TICAM2: variants seen among roughly 807,000 people sequenced by gnomAD.
TICAM2 encodes the protein TIR domain-containing adapter molecule 2.
TICAM2 carries 8 observed loss-of-function variants against 7.3 expected under a neutral mutation model. The observed-to-expected ratio is 1.10, with a 90% CI of 0.65 to 1.99. The LOEUF is 1.99. Among genes scored for constraint, TICAM2 ranks in the 30% most tolerant of loss-of-function variants. The pLI is 0.00. For synonymous variants in TICAM2, 113 were observed against 99.6 expected (o/e 1.13, Z -0.80); for missense variants, 304 against 278.8 (o/e 1.09, Z -0.65).
intron 1 of TICAM2, among the ~76,000 whole-genome samples, chr5:115,601,531 C>T (rs256967): frequency 0.63 from 95,258 of 152,018 alleles, 31,068 homozygotes; most frequent in African/African-American, 0.82. Flanking sequence ...ATAGCCTTTC[C>T]CACCCTTGCT....
At chr5:115,581,611 G>A (rs1442163250) in intron 1 of TICAM2, 5 of 318,070 alleles carry the variant, frequency 1.6e-5, no homozygotes, top group Non-Finnish European at 2.9e-5. Flanking sequence ...AATAAATTAC[G>A]TTGGTATTTT....
rs1444820825 is a variant in TICAM2 at position 115,580,900 on chromosome 5, T to A, written c.357A>T (p.Arg119Ser). 1 of 1,613,846 alleles carries A rather than the reference T, an allele frequency of 6.2e-7. No individual in the cohort carries two copies. Among genetic ancestry groups the A allele is most frequent in the East Asian group, 2.2e-5 (1 of 44,890 alleles). Residue 119 changes from arginine (R) to serine (S), a missense_variant, in exon 2 of 2, where the codon AGA becomes AGT. Arg to Ser is a moderately radical substitution (Grantham distance 110). Transcript: ENST00000427199. The stretch of plus-strand genomic sequence containing the variant: ...CATCATCTAAATTCTGTAAATGCTG[T>A]CTGCCACATGGCATCTCAGCAAAGA... The part of the protein sequence containing the change: ...GIIFAEMPCG[R>S]QHLQNLDDAV...
intron 1 of TICAM2, 44 bp downstream of exon 1, chr5:115,602,053 C>G (rs573603275): frequency 6.6e-6 from 1 of 151,580 alleles, no homozygotes; most frequent in African/African-American, 2.4e-5. Context: ...CCAGCCCACC[C>G]CGCGCCCCCG....
intron 1 of TICAM2, among the ~76,000 whole-genome samples, chr5:115,595,345 C>T (rs537042652): frequency 6.6e-6 from 1 of 152,162 alleles, no homozygotes; most frequent in African/African-American, 2.4e-5. Context: ...CAAACAAACC[C>T]TCCCCACAAC....
intron 1 of TICAM2, among the ~76,000 whole-genome samples, chr5:115,592,654 C>T (rs935489726): frequency 6.6e-6 from 1 of 151,932 alleles, no homozygotes; most frequent in Non-Finnish European, 1.5e-5. Flanking sequence ...GTTTATGAGG[C>T]CAGCATAACC....
At chr5:115,600,603 A>G (rs1356325786) in intron 1 of TICAM2, among the ~76,000 whole-genome samples, 2 of 152,186 alleles carry the variant, frequency 1.3e-5, no homozygotes, top group Non-Finnish European at 2.9e-5. Context: ...TAGTGAAGAA[A>G]AAAGAATATT....
intron 1 of TICAM2, among the ~76,000 whole-genome samples, chr5:115,590,155 C>T (rs775366347): frequency 3.9e-5 from 6 of 151,980 alleles, no homozygotes; most frequent in Non-Finnish European, 8.8e-5. Context: ...TGAGACCAGC[C>T]TGGGCAACAA....
rs1489154231 is a variant in TICAM2 at position 115,580,395 on chromosome 5, T to G, written c.*154A>C. On this transcript the variant is annotated 3_prime_UTR_variant, in exon 2 of 2. Transcript: ENST00000427199. ...CAAAAAGTACCACAATTTTATAGGC[T>G]GTCCTGCAGAAATTTATCTTTCTTG... 1 of 998,740 alleles carries G rather than the reference T, an allele frequency of 1.0e-6. No individual in the cohort carries two copies. The highest frequency in any genetic ancestry group is 3.2e-5 in the East Asian group (1 of 31,622). 61.9% of individuals were successfully genotyped at this position (998,740 alleles called of 1,614,324 possible).
chr5:115,587,766 T>A (rs184336554), intron 1 of TICAM2, among the ~76,000 whole-genome samples: 6 of 152,156 alleles, frequency 3.9e-5, no homozygotes, highest in African/African-American at 1.4e-4. Context: ...AGTGATCCAG[T>A]AGGCACTTGC....
At chr5:115,601,073 C>G (rs529763870) in intron 1 of TICAM2, among the ~76,000 whole-genome samples, 2 of 152,070 alleles carry the variant, frequency 1.3e-5, no homozygotes, top group Admixed American at 6.6e-5. Flanking sequence ...TATTCTATAC[C>G]TGCTTATCTA....
At position 115,580,501 on chromosome 5, in the gene TICAM2, T is replaced by C; in HGVS notation, c.*48A>G. 6.6e-7 allele frequency: 1 copy of C among 1,503,802 alleles called. No homozygotes were observed. The highest frequency in any genetic ancestry group is 8.8e-7 in the Non-Finnish European group (1 of 1,130,024). The allele number at this position is 1,503,802 out of a possible 1,614,324, so 93.2% of individuals were successfully genotyped here. ...AACTGCTTTCTCAAGTGAAGATTAA[T>C]CATTTGGTTTACAAAACAAGAGCCA... On this transcript the variant is annotated 3_prime_UTR_variant, in exon 2 of 2. Coordinates refer to ENST00000427199, the MANE Select transcript of TICAM2 (RefSeq NM_021649.7).
chr5:115,580,625 T>C lies in TICAM2; in HGVS notation c.632A>G (p.Gln211Arg), dbSNP rs777539869. The part of the protein sequence containing the change: ...GFPTQVERIF[Q>R]ESVYKTQQTI... ...TTGTTGTGTCTTATACACAGACTCC[T>C]GAAAAATTCTTTCTACTTGTGTAGG... The change falls in exon 2 of 2, where the codon CAG (glutamine) becomes CGG (arginine). Residue 211 changes from glutamine (Q) to arginine (R), a missense_variant. Physicochemically the swap from Gln to Arg is conservative, Grantham distance 43. Transcript: ENST00000427199. 2.5e-6 allele frequency: 4 copies of C among 1,591,104 alleles called. No homozygotes were observed. Among genetic ancestry groups the C allele is most frequent in the African/African-American group, 2.7e-5 (2 of 73,334 alleles).
intron 1 of TICAM2, among the ~76,000 whole-genome samples, chr5:115,585,533 TG>T (rs1178926364): frequency 2.0e-5 from 3 of 152,190 alleles, no homozygotes; most frequent in Non-Finnish European, 2.9e-5. Context: ...ACAAGCAGTT[TG>T]AATAACCTTG....
chr5:115,579,445 A>T lies in TICAM2; in HGVS notation c.*1104T>A, dbSNP rs1207893339. On this transcript the variant is annotated 3_prime_UTR_variant, in exon 2 of 2. Transcript: ENST00000427199. ...CATGATCCCGAAGAGGGCTTTTCTC[A>T]TTACATGACATGACCCATTCTCCAC... The T allele has an allele frequency of 6.6e-6, 1 of 152,204 alleles. No homozygotes were observed. Among genetic ancestry groups the T allele is most frequent in the East Asian group, 1.9e-4 (1 of 5,196 alleles). The allele number at this position is 152,204 out of a possible 1,614,324, so 9.4% of individuals were successfully genotyped here.
rs73782710 is a variant in TICAM2 at position 115,593,753 on chromosome 5, A to G, written c.-60+8344T>C. 2.9e-3 allele frequency among the ~76,000 whole-genome samples: 442 copies of G among 152,330 alleles called. 1 individual carries two copies. Among genetic ancestry groups the G allele is most frequent in the African/African-American group, 0.01 (423 of 41,572 alleles). The stretch of plus-strand genomic sequence containing the variant: ...AGAATAAGATGGGAGGACTTGTTCT[A>G]TTGGGCATCAACACTTACTATAAAG... On this transcript the variant is annotated intron_variant, in intron 1 of 1. Transcript: ENST00000427199.
intron 1 of TICAM2, among the ~76,000 whole-genome samples, chr5:115,594,742 G>A (rs1184931985): frequency 6.6e-6 from 1 of 152,178 alleles, no homozygotes; most frequent in Admixed American, 6.5e-5. Context: ...CAGAAAAAGA[G>A]GATACAAATA....
At chr5:115,594,994 T>C (rs1435188659) in intron 1 of TICAM2, among the ~76,000 whole-genome samples, 2 of 152,188 alleles carry the variant, frequency 1.3e-5, no homozygotes, top group Non-Finnish European at 2.9e-5. Flanking sequence ...TCTAGGTTTG[T>C]AGCACCCCTG....
intron 1 of TICAM2, among the ~76,000 whole-genome samples, chr5:115,586,724 G>A (rs1358962335): frequency 6.6e-6 from 1 of 152,164 alleles, no homozygotes; most frequent in Admixed American, 6.5e-5. Context: ...CCATCTTGTG[G>A]CAAATATATG....
chr5:115,594,325 C>T (rs1173667475), intron 1 of TICAM2, among the ~76,000 whole-genome samples: 3 of 152,210 alleles, frequency 2.0e-5, no homozygotes, highest in Non-Finnish European at 4.4e-5. Context: ...TATTCACATA[C>T]ACCCAAACAC....
Sources: allele counts gnomAD v4.1 joint callset (sites outside exome capture counted in the v4.1 genomes callset), GRCh38; gene constraint gnomAD v4.1.1; transcripts MANE v1.5; gene names NCBI Gene and HGNC (gene_info 2026-07-23, HGNC 2026-07-21).